CRHR2: variants seen among roughly 807,000 people sequenced by gnomAD.
The protein encoded by CRHR2 is corticotropin releasing hormone receptor 2.
A neutral mutation model predicts 57.9 loss-of-function variants in CRHR2; 53 were observed. The observed-to-expected ratio is 0.92, with a 90% confidence interval of 0.73 to 1.15. The LOEUF (loss-of-function observed/expected upper bound fraction) is 1.15, where lower values mean the gene tolerates loss of function less well. Among genes scored for constraint, CRHR2 ranks in the 50% most tolerant of loss-of-function variants. The pLI, the probability that CRHR2 is intolerant of heterozygous loss-of-function variation, is 0.00. For synonymous variants in CRHR2, 213 were observed against 220.9 expected, an observed-to-expected ratio of 0.96 and a Z score of 0.32; for missense variants, 532 against 542.6, an observed-to-expected ratio of 0.98 and a Z score of 0.19.
Position 30,665,462 on chromosome 7 carries a change from T to C in CRHR2, c.425+68A>G, listed in dbSNP as rs1229911383. The C allele has an allele frequency of 7.6e-7, 1 of 1,319,174 alleles. No individual in the cohort carries two copies. The highest frequency in any genetic ancestry group is 1.1e-6 in the Non-Finnish European group (1 of 940,536). 81.7% of individuals were successfully genotyped at this position (1,319,174 alleles called of 1,614,324 possible). On this transcript the variant is annotated intron_variant, in intron 4 of 11. Transcript: ENST00000471646. The surrounding 1 kb of genome is among the most constrained non-coding windows in gnomAD (Gnocchi z 4.5). ...GCCCCAGAATGGAGGTGAGAATGTC[T>C]GGGAGAGGTGAAGGGGGTGCTGTAG...
chr7:30,676,982 C>T (rs987291099), intron 2 of CRHR2, among the ~76,000 whole-genome samples: 1 of 152,200 alleles, frequency 6.6e-6, no homozygotes, highest in Non-Finnish European at 1.5e-5. Flanking sequence ...GTCAAGGAGG[C>T]TGAGGCTCAG....
chr7:30,669,233 C>G (rs1043601294), intron 2 of CRHR2, among the ~76,000 whole-genome samples: 3 of 152,146 alleles, frequency 2.0e-5, no homozygotes, highest in African/African-American at 7.2e-5. Flanking sequence ...TAGGCCCCTT[C>G]CTTCAGGAAG....
At position 30,660,436 on chromosome 7, in the gene CRHR2, G is replaced by T. The variant is rs537809301; in HGVS notation, c.831+137C>A. ...TGGTGCTGGGGCACAGGGTGGCATG[G>T]ACAGGGTACGGGGGTGGCATATAGA... On this transcript the variant is annotated intron_variant, in intron 8 of 11. Coordinates refer to ENST00000471646, the MANE Select transcript of CRHR2 (RefSeq NM_001883.5). 1.1e-5 allele frequency: 9 copies of T among 834,926 alleles called. No homozygotes were observed. The East Asian group carries it at 2.4e-4, about 23-fold the overall frequency. 51.7% of individuals were successfully genotyped at this position (834,926 alleles called of 1,614,324 possible). A position where few individuals can be genotyped will look rare whatever the true frequency, so the allele number is the denominator to read the frequency against.
chr7:30,662,734 A>G lies in CRHR2; in HGVS notation c.657T>C (p.Thr219=), dbSNP rs1784057271. The change falls in exon 6 of 12, where the codon ACT becomes ACC. Residue 219 remains threonine (T), a synonymous_variant. Coordinates refer to ENST00000471646, the MANE Select transcript of CRHR2 (RefSeq NM_001883.5). The part of the protein sequence containing the change: ...LHTAIVMTYS[T]ERLRKCLFLF... ...GGAAGAGGCACTTGCGCAGGCGCTCAGTGGAGTAGGTCATGACAATGGCCG... is the reference window on the plus strand; with the variant it reads ...GGAAGAGGCACTTGCGCAGGCGCTCGGTGGAGTAGGTCATGACAATGGCCG... 6.2e-7 allele frequency: 1 copy of G among 1,614,206 alleles called. No homozygotes were observed. Among genetic ancestry groups the G allele is most frequent in the Non-Finnish European group, 8.5e-7 (1 of 1,180,016 alleles).
Position 30,654,329 on chromosome 7 carries a change from C to T in CRHR2, c.1095+710G>A, listed in dbSNP as rs1004575670. Among the ~76,000 whole-genome samples the T allele has an allele frequency of 3.9e-5, 6 of 152,212 alleles. No individual in the cohort carries two copies. The East Asian group carries it at 5.8e-4, about 15-fold the overall frequency. On this transcript the variant is annotated intron_variant, in intron 11 of 11. Transcript: ENST00000471646. ...TTCTTCTCATCCAGCCCACAGGACC[C>T]GTCTCTGCTGATGGACTTTGCAAGT...
chr7:30,667,130 CA>C, intron 3 of CRHR2, 97 bp downstream of exon 3: 1 of 1,077,724 alleles, frequency 9.3e-7, no homozygotes. Context: ...GACTGGGTGA[CA>C]AAAGGACTGG....
At chr7:30,667,774 A>T (rs1784233110) in intron 2 of CRHR2, among the ~76,000 whole-genome samples, 1 of 152,232 alleles carries the variant, frequency 6.6e-6, no homozygotes. Context: ...TTCCTCTTCT[A>T]ACTGCTATGG....
intron 2 of CRHR2, among the ~76,000 whole-genome samples, chr7:30,674,335 C>T (rs1784450089): frequency 6.6e-6 from 1 of 152,224 alleles, no homozygotes; most frequent in Admixed American, 6.5e-5. Flanking sequence ...TCCCTCCTTC[C>T]AGCCATCCTA....
chr7:30,663,422 G>T (rs533684890), intron 5 of CRHR2, among the ~76,000 whole-genome samples: 1 of 152,116 alleles, frequency 6.6e-6, no homozygotes, highest in Non-Finnish European at 1.5e-5. Context: ...CAAAGTACAC[G>T]GCCCCCGGCA....
intron 10 of CRHR2, 79 bp downstream of exon 10, chr7:30,655,501 C>A (rs1584078168): frequency 6.6e-7 from 1 of 1,512,586 alleles, no homozygotes; most frequent in South Asian, 1.3e-5. Flanking sequence ...TCCCACGGGA[C>A]CCCCTTAGTG....
intron 7 of CRHR2, 116 bp downstream of exon 7, chr7:30,662,040 C>A (rs1322852856): frequency 1.9e-6 from 2 of 1,026,418 alleles, no homozygotes; most frequent in Admixed American, 4.3e-5. Context: ...GAACGTGGAT[C>A]TGTCTAGGTG....
intron 7 of CRHR2, 85 bp from the exon 8 acceptor site, chr7:30,660,730 T>C: frequency 7.5e-7 from 1 of 1,339,932 alleles, no homozygotes; most frequent in African/African-American, 1.4e-5. Context: ...CCTCCAGCTT[T>C]ACCCTTCCTG....
rs1036544402 is a variant in CRHR2 at position 30,662,107 on chromosome 7, A to T, written c.758+49T>A. 3.1e-6 allele frequency: 5 copies of T among 1,600,412 alleles called. No homozygotes were observed. In the African/African-American group the frequency reaches 6.7e-5, roughly 21 times the overall value. On this transcript the variant is annotated intron_variant, in intron 7 of 11. Coordinates refer to ENST00000471646, the MANE Select transcript of CRHR2 (RefSeq NM_001883.5). ...GAGCCCAAGGCTGACCTGTCCTAAC[A>T]CCCCCATTCCCTTCCCCATGACCCC...
chr7:30,674,645 C>T (rs1466392439), intron 2 of CRHR2, among the ~76,000 whole-genome samples: 1 of 152,172 alleles, frequency 6.6e-6, no homozygotes, highest in African/African-American at 2.4e-5. Context: ...AGCATCCCTC[C>T]AGGGGGGCAA....
intron 1 of CRHR2, chr7:30,689,291 G>A (rs1784914547): frequency 6.5e-7 from 1 of 1,549,750 alleles, no homozygotes; most frequent in Non-Finnish European, 8.7e-7. Flanking sequence ...CTGCCTAGGG[G>A]ACAGCAAGGA....
intron 7 of CRHR2, among the ~76,000 whole-genome samples, 196 bp from the exon 8 acceptor site, chr7:30,660,841 T>C (rs1783970775): frequency 6.6e-6 from 1 of 152,206 alleles, no homozygotes. Context: ...CTCTACATGG[T>C]GGGTCTGATC....
chr7:30,700,076 G>T, exon 1 of CRHR2: 1 of 1,290,306 alleles, frequency 7.8e-7, no homozygotes, highest in African/African-American at 1.6e-5. Context: ...CTGCTGCCCA[G>T]CACGGTGGTC....
chr7:30,677,214 G>A (rs1477814864), intron 2 of CRHR2, among the ~76,000 whole-genome samples: 2 of 151,172 alleles, frequency 1.3e-5, no homozygotes, highest in Non-Finnish European at 2.9e-5. Flanking sequence ...AGAGAGAGAG[G>A]TAGAAAATGA....
intron 2 of CRHR2, chr7:30,688,693 C>A: frequency 2.4e-6 from 1 of 414,466 alleles, no homozygotes; most frequent in South Asian, 1.8e-5. Context: ...TCTCTGGAAC[C>A]CAGCAGAATC....
Sources: gnomAD v4.1 joint callset for allele counts (sites outside exome capture counted in the v4.1 genomes callset) on GRCh38, gnomAD v4.1.1 for gene constraint, Gnocchi (gnomAD v3.1) non-coding constraint, MANE v1.5 for transcripts, NCBI Gene and HGNC (gene_info 2026-07-23, HGNC 2026-07-21) for gene names.